The following TAF15 variants were observed in gnomAD, a reference collection of about 807,000 sequenced individuals.
The protein encoded by TAF15 is TATA-box binding protein associated factor 15.
TAF15 carries 37 observed loss-of-function variants against 102.5 expected under a neutral mutation model. The ratio of observed to expected loss-of-function variants is 0.36; its 90% CI spans 0.28 to 0.47. TAF15 has a LOEUF of 0.47. Ranked by LOEUF, TAF15 falls within the 20% of genes least tolerant of loss-of-function variation. The pLI is 0.99. For synonymous variants in TAF15, 273 were observed against 259.2 expected, an observed-to-expected ratio of 1.05 and a Z score of -0.51; for missense variants, 652 against 760.7, an observed-to-expected ratio of 0.86 and a Z score of 1.68.
At chr17:35,810,918 T>C (rs1303753058) in intron 1 of TAF15, 1 of 152,226 alleles carries the variant, frequency 6.6e-6, no homozygotes, top group East Asian at 1.9e-4. Flanking sequence ...ACTGCACTTC[T>C]TTCAGTTTCT....
intron 6 of TAF15, among the ~76,000 whole-genome samples, 198 bp from the exon 7 acceptor site, chr17:35,823,880 G>T (rs2087294322): frequency 6.6e-6 from 1 of 152,108 alleles, no homozygotes; most frequent in Admixed American, 6.5e-5. Context: ...TGTCAGTTTA[G>T]CAGAATGGAA....
intron 6 of TAF15, chr17:35,823,654 G>T (rs1463599060): frequency 4.9e-6 from 1 of 202,474 alleles, no homozygotes; most frequent in African/African-American, 2.5e-5. Context: ...GCAGTGAGCC[G>T]AGATTGCATC....
chr17:35,839,850 C>T (rs1313430270), intron 11 of TAF15, among the ~76,000 whole-genome samples: 1 of 152,060 alleles, frequency 6.6e-6, no homozygotes, highest in Non-Finnish European at 1.5e-5. Flanking sequence ...TTTCATTTAA[C>T]ATTTAAAGGT....
chr17:35,842,720 AT>A (rs200846170), intron 12 of TAF15, among the ~76,000 whole-genome samples: 77 of 145,492 alleles, frequency 5.3e-4, no homozygotes, highest in African/African-American at 7.3e-4. Context: ...TCAGGAGGCA[AT>A]TTTTTTTTTT....
chr17:35,847,195 G>A lies in TAF15; in HGVS notation c.*250G>A. 1.6e-6 allele frequency: 1 copy of A among 606,194 alleles called. No individual in the cohort carries two copies. The highest frequency in any genetic ancestry group is 2.9e-6 in the Non-Finnish European group (1 of 342,076). 37.6% of individuals were successfully genotyped at this position (606,194 alleles called of 1,614,324 possible). On this transcript the variant is annotated 3_prime_UTR_variant, in exon 16 of 16. Coordinates refer to ENST00000605844, the MANE Select transcript of TAF15 (RefSeq NM_139215.3). ...GTAAAATATTGCCAAAATGAAAAGT[G>A]TTTTGTAATACTGCAATAAAGGCTG...
At position 35,809,519 on chromosome 17, in the gene TAF15, T is replaced by C. The variant is rs746549321; in HGVS notation, c.-51T>C. ...CGGCCGCCGCGCCGCCTGGCTTTCGTATTCGTTGTTCTCGGCGGGCTGTGG... is the reference window on the plus strand; with the variant it reads ...CGGCCGCCGCGCCGCCTGGCTTTCGCATTCGTTGTTCTCGGCGGGCTGTGG... On this transcript the variant is annotated 5_prime_UTR_variant, in exon 1 of 16. Transcript: ENST00000605844. 4 of 1,611,382 alleles carry C rather than the reference T, an allele frequency of 2.5e-6. No homozygotes were observed. In the African/African-American group the frequency reaches 4.0e-5, roughly 16 times the overall value.
chr17:35,822,954 A>T (rs1005156894), intron 6 of TAF15, 121 bp downstream of exon 6: 4 of 1,193,754 alleles, frequency 3.4e-6, no homozygotes, highest in Non-Finnish European at 4.9e-6. Flanking sequence ...AACCTTGAAG[A>T]TATGTTCCCT....
At chr17:35,822,464 A>T (rs986953356) in intron 5 of TAF15, among the ~76,000 whole-genome samples, 176 bp from the exon 6 acceptor site, 21 of 152,184 alleles carry the variant, frequency 1.4e-4, no homozygotes, top group African/African-American at 5.1e-4. Context: ...TGTTGGCAGA[A>T]TCGTCTTTCG....
intron 1 of TAF15, chr17:35,810,477 T>C (rs1407177898): frequency 6.6e-6 from 1 of 152,248 alleles, no homozygotes; most frequent in East Asian, 1.9e-4. Context: ...GGATGTCCTC[T>C]TGATTTAGCA....
chr17:35,823,004 T>TG (rs1183887838), intron 6 of TAF15, among the ~76,000 whole-genome samples, 171 bp downstream of exon 6: 4 of 152,266 alleles, frequency 2.6e-5, no homozygotes, highest in Admixed American at 6.5e-5. Context: ...TTTCTACTTC[T>TG]GAACTTGGAG....
At position 35,816,815 on chromosome 17, in the gene TAF15, C is replaced by CTTTTTTTTTTT. The variant is rs1170506741; in HGVS notation, c.8-883_8-873dup. On this transcript the variant is annotated intron_variant, in intron 1 of 15. Coordinates refer to ENST00000605844, the MANE Select transcript of TAF15 (RefSeq NM_139215.3). ...TGTTACCACCCCCACCCCACCCCCACTTTTTTTTTTTTTTTTTTTTTTTTT... is the reference window on the plus strand; with the variant it reads ...TGTTACCACCCCCACCCCACCCCCACTTTTTTTTTTTTTTTTTTTTTTTTTTTTTTTTTTTT... 6 of 57,436 alleles carry CTTTTTTTTTTT rather than the reference C, an allele frequency of 1.0e-4. 2 individuals carry two copies. The highest frequency in any genetic ancestry group is 3.7e-4 in the African/African-American group (5 of 13,578). The allele number at this position is 57,436 out of a possible 1,614,324, so 3.6% of individuals were successfully genotyped here.
intron 7 of TAF15, among the ~76,000 whole-genome samples, chr17:35,830,968 AGATT>A (rs1292280656): frequency 6.6e-6 from 1 of 152,196 alleles, no homozygotes; most frequent in Non-Finnish European, 1.5e-5. Flanking sequence ...CAGATTTTCA[AGATT>A]GATTAGTTAT....
intron 15 of TAF15, 73 bp from the exon 16 acceptor site, chr17:35,846,833 C>T: frequency 6.5e-7 from 1 of 1,528,676 alleles, no homozygotes; most frequent in Admixed American, 1.7e-5. Context: ...CACTAGTACC[C>T]TGAAGAAGTG....
intron 1 of TAF15, chr17:35,809,911 T>G (rs1235545234): frequency 3.9e-6 from 2 of 517,976 alleles, no homozygotes; most frequent in Non-Finnish European, 7.0e-6. Flanking sequence ...GAGCCGAGAT[T>G]AGAGCATCAG....
Position 35,838,431 on chromosome 17 carries a change from A to G in TAF15, c.791A>G (p.Lys264Arg). ...GTTTCTGTTTTTCCTCAGACAAATA[A>G]GAAGACCGGAAAACCAATGATAAAT... ...FKQIGIIKTN[K>R]KTGKPMINLY... Residue 264 changes from lysine to arginine, a missense_variant, in exon 11 of 16, where the codon AAG (lysine) becomes AGG (arginine). This residue lies in a region of TAF15 where 41 missense variants were observed against 109.1 expected (regional missense o/e 0.38). Coordinates refer to ENST00000605844, the MANE Select transcript of TAF15 (RefSeq NM_139215.3). The G allele has an allele frequency of 6.2e-7, 1 of 1,614,178 alleles. No homozygotes were observed. The highest frequency in any genetic ancestry group is 8.5e-7 in the Non-Finnish European group (1 of 1,180,012).
chr17:35,823,128 T>C (rs2087283533), intron 6 of TAF15, among the ~76,000 whole-genome samples: 1 of 152,212 alleles, frequency 6.6e-6, no homozygotes, highest in Admixed American at 6.5e-5. Context: ...GTTGGTGTTG[T>C]ACTTGATTTG....
At chr17:35,832,185 C>T (rs2087415766) in intron 7 of TAF15, among the ~76,000 whole-genome samples, 1 of 152,120 alleles carries the variant, frequency 6.6e-6, no homozygotes, top group African/African-American at 2.4e-5. Context: ...AAGAGTTAGG[C>T]AGTGATATAC....
intron 7 of TAF15, among the ~76,000 whole-genome samples, chr17:35,829,631 CAAAAAA>C (rs746776421): frequency 2.4e-4 from 8 of 33,110 alleles, no homozygotes; most frequent in Admixed American, 3.5e-4. Context: ...GACTCCATCT[CAAAAAA>C]AAAAAAAAAA....
At chr17:35,819,957 C>A in intron 2 of TAF15, 67 bp from the exon 3 acceptor site, 1 of 1,416,614 alleles carries the variant, frequency 7.1e-7, no homozygotes, top group Non-Finnish European at 9.9e-7. Flanking sequence ...AAAATGAAGG[C>A]AAGGTCTTCA....
Sources: gnomAD v4.1 joint callset for allele counts (sites outside exome capture counted in the v4.1 genomes callset) on GRCh38, gnomAD v4.1.1 for gene constraint, gnomAD v4.1.1 regional missense constraint, MANE v1.5 for transcripts, NCBI Gene and HGNC (gene_info 2026-07-23, HGNC 2026-07-21) for gene names.